The following SLIT2 variants were observed in gnomAD, a reference collection of about 807,000 sequenced individuals.
SLIT2 encodes the protein slit homolog 2 protein.
Under a neutral mutation model 185.7 loss-of-function variants are expected in SLIT2, and 41 were observed. The ratio of observed to expected loss-of-function variants is 0.22; its 90% CI spans 0.17 to 0.29. The LOEUF is 0.29. SLIT2 is among the 10% of genes least tolerant of loss of function. SLIT2 has a pLI of 1.00. For synonymous variants in SLIT2, 693 were observed against 680.2 expected (o/e 1.02, Z -0.29); for missense variants, 1,571 against 1,909.0 (o/e 0.82, Z 3.30).
intron 8 of SLIT2, among the ~76,000 whole-genome samples, chr4:20,491,084 T>C (rs1290338734): frequency 6.6e-6 from 1 of 152,156 alleles, no homozygotes; most frequent in African/African-American, 2.4e-5. Flanking sequence ...TATTGAGTAA[T>C]AAAAGTACAC....
chr4:20,551,000 G>A (rs1723699808), intron 25 of SLIT2, 102 bp downstream of exon 25: 3 of 603,074 alleles, frequency 5.0e-6, no homozygotes, highest in Non-Finnish European at 8.7e-6. Context: ...ATCATAAGAT[G>A]TAATTGGTTT....
chr4:20,373,609 A>G (rs1309356190), intron 4 of SLIT2, among the ~76,000 whole-genome samples: 1 of 152,106 alleles, frequency 6.6e-6, no homozygotes, highest in South Asian at 2.1e-4. Context: ...GGTTTCTACA[A>G]AATTTCTTAG....
At chr4:20,419,336 G>C (rs1353804138) in intron 4 of SLIT2, among the ~76,000 whole-genome samples, 2 of 152,096 alleles carry the variant, frequency 1.3e-5, no homozygotes, top group Non-Finnish European at 2.9e-5. Flanking sequence ...ACACACATAT[G>C]TGTATGTATG....
At chr4:20,356,304 G>C (rs1448350842) in intron 4 of SLIT2, among the ~76,000 whole-genome samples, 2 of 152,062 alleles carry the variant, frequency 1.3e-5, no homozygotes, top group Non-Finnish European at 2.9e-5. Flanking sequence ...TCTCCACCCA[G>C]GTCAAATATC....
chr4:20,515,167 T>C (rs1720091251), intron 11 of SLIT2, among the ~76,000 whole-genome samples: 1 of 152,178 alleles, frequency 6.6e-6, no homozygotes, highest in Non-Finnish European at 1.5e-5. Context: ...CTGAGCTAGT[T>C]ACTAAATTCC....
At chr4:20,455,537 G>T (rs928652007) in intron 4 of SLIT2, among the ~76,000 whole-genome samples, 1 of 152,088 alleles carries the variant, frequency 6.6e-6, no homozygotes, top group Non-Finnish European at 1.5e-5. Flanking sequence ...TACAGAGTCT[G>T]CTGCATTCAT....
intron 4 of SLIT2, among the ~76,000 whole-genome samples, chr4:20,330,958 T>G (rs1007384269): frequency 6.6e-6 from 1 of 152,112 alleles, no homozygotes; most frequent in African/African-American, 2.4e-5. Flanking sequence ...TGCAGTTCTC[T>G]TCAAAGTAAG....
intron 4 of SLIT2, among the ~76,000 whole-genome samples, chr4:20,335,541 G>T (rs184828663): frequency 6.6e-5 from 10 of 152,224 alleles, no homozygotes; most frequent in African/African-American, 2.2e-4. Context: ...TTGGAGCTGT[G>T]TACCCTTCCA....
chr4:20,462,049 T>C (rs1026464846), intron 4 of SLIT2, among the ~76,000 whole-genome samples: 5 of 152,230 alleles, frequency 3.3e-5, no homozygotes, highest in Admixed American at 6.5e-5. Flanking sequence ...TCTAAAATGG[T>C]AATCTACATG....
At chr4:20,614,380 G>C (rs557092295) in intron 34 of SLIT2, among the ~76,000 whole-genome samples, 122 of 152,264 alleles carry the variant, frequency 8.0e-4, no homozygotes, top group African/African-American at 2.8e-3. Context: ...TAGAAATAAG[G>C]CTAAAAGCTG....
intron 34 of SLIT2, among the ~76,000 whole-genome samples, chr4:20,612,550 C>T (rs559970330): frequency 1.3e-3 from 191 of 152,168 alleles, no homozygotes; most frequent in African/African-American, 4.1e-3. Flanking sequence ...AGACCACAGC[C>T]TTGAATGCTG....
chr4:20,605,116 G>T (rs1047671766), intron 33 of SLIT2, among the ~76,000 whole-genome samples: 1 of 152,138 alleles, frequency 6.6e-6, no homozygotes, highest in African/African-American at 2.4e-5. Flanking sequence ...TTACAGGCGT[G>T]AGCCACCGCA....
chr4:20,411,864 A>C (rs1046323976), intron 4 of SLIT2, among the ~76,000 whole-genome samples: 1 of 152,096 alleles, frequency 6.6e-6, no homozygotes, highest in African/African-American at 2.4e-5. Flanking sequence ...TTCGGTGTGC[A>C]CTCCCTTGCC....
chr4:20,532,481 G>A (rs1271947137), intron 17 of SLIT2, among the ~76,000 whole-genome samples: 1 of 151,940 alleles, frequency 6.6e-6, no homozygotes, highest in Non-Finnish European at 1.5e-5. Flanking sequence ...TGGTAAACTG[G>A]CTTGATAGCT....
In SLIT2 at chr4:20,528,941, C is replaced by A. The variant is rs772089647; in HGVS notation, c.1463-8C>A. The A allele has an allele frequency of 3.8e-5, 61 of 1,602,862 alleles. No homozygotes were observed. The highest frequency in any genetic ancestry group is 5.2e-5 in the Non-Finnish European group (61 of 1,174,248). ...CAGTATCTTTTTTTTGGTTTGAATT[C>A]TCAATAGGTACAGAAGATTATCGAT... is the stretch of plus-strand genomic sequence containing the variant. On this transcript the variant is annotated splice_region_variant and splice_polypyrimidine_tract_variant and intron_variant, in intron 15 of 36. Coordinates refer to ENST00000504154, the MANE Select transcript of SLIT2 (RefSeq NM_004787.4). The surrounding 1 kb of genome is among the most constrained non-coding windows in gnomAD (Gnocchi z 4.2).
intron 5 of SLIT2, among the ~76,000 whole-genome samples, chr4:20,476,226 T>G (rs944433384): frequency 6.6e-6 from 1 of 152,164 alleles, no homozygotes; most frequent in African/African-American, 2.4e-5. Context: ...TTGTATTGAC[T>G]TGAAGTTTAT....
intron 28 of SLIT2, 93 bp from the exon 29 acceptor site, chr4:20,568,772 A>G: frequency 9.1e-7 from 1 of 1,097,464 alleles, no homozygotes; most frequent in South Asian, 1.5e-5. Context: ...TCTATGGTTG[A>G]TGAGTGTAAT....
chr4:20,388,777 GGAAA>G (rs1560378972), intron 4 of SLIT2, among the ~76,000 whole-genome samples: 1 of 85,018 alleles, frequency 1.2e-5, no homozygotes, highest in Admixed American at 1.4e-4. Context: ...CCGTCTCAGG[GGAAA>G]AAAAAAAAAA....
At chr4:20,353,821 G>T (rs1722080327) in intron 4 of SLIT2, among the ~76,000 whole-genome samples, 1 of 152,200 alleles carries the variant, frequency 6.6e-6, no homozygotes, top group Admixed American at 6.5e-5. Context: ...ACTAGAACCA[G>T]ATTTCTTTTT....
Sources: allele counts gnomAD v4.1 joint callset (sites outside exome capture counted in the v4.1 genomes callset), GRCh38; gene constraint gnomAD v4.1.1; non-coding constraint Gnocchi (gnomAD v3.1); transcripts MANE v1.5; gene names NCBI Gene and HGNC (gene_info 2026-07-23, HGNC 2026-07-21).